Variants in PEX3 observed in about 807,000 individuals in gnomAD.
PEX3 encodes peroxisomal biogenesis factor 3.
PEX3 carries 30 observed loss-of-function variants against 55.8 expected under a neutral mutation model. The ratio of observed to expected loss-of-function variants is 0.54; its 90% CI spans 0.40 to 0.73. The LOEUF is 0.73. Among genes scored for constraint, PEX3 ranks in the 30% least tolerant of loss-of-function variants. The pLI, the probability that PEX3 is intolerant of heterozygous loss-of-function variation, is 0.00. For missense variants in PEX3, 351 were observed against 432.8 expected, an observed-to-expected ratio of 0.81 and a Z score of 1.68; for synonymous variants, 135 against 148.4, an observed-to-expected ratio of 0.91 and a Z score of 0.66.
rs1420946623 is a variant in PEX3 at position 143,488,722 on chromosome 6, A to G, written c.1039-421A>G. ...ATGTGTGGTTCATGTATGTGTGTAT[A>G]TGTAAAATATGCACTTACTACACAT... is the stretch of plus-strand genomic sequence containing the variant. On this transcript the variant is annotated intron_variant, in intron 11 of 11. Transcript: ENST00000367591. The surrounding 1 kb of genome is among the most constrained non-coding windows in gnomAD (Gnocchi z 4.9). 6.6e-6 allele frequency among the ~76,000 whole-genome samples: 1 copy of G among 152,148 alleles called. No homozygotes were observed. Among genetic ancestry groups the G allele is most frequent in the Non-Finnish European group, 1.5e-5 (1 of 67,976 alleles).
In PEX3 at chr6:143,471,193, A is replaced by C. The variant is rs2128746694; in HGVS notation, c.456+108A>C. On this transcript the variant is annotated intron_variant, in intron 5 of 11. Coordinates refer to ENST00000367591, the MANE Select transcript of PEX3 (RefSeq NM_003630.3). The surrounding 1 kb of genome is among the most constrained non-coding windows in gnomAD (Gnocchi z 5.4). ...TATGAAATAAATATTTTTATATTTC[A>C]TGTGATTGTGAACTTTTAGTATTAT... 7.9e-6 allele frequency: 9 copies of C among 1,137,174 alleles called. No individual in the cohort carries two copies. The South Asian group carries it at 1.2e-4, about 15-fold the overall frequency. 70.4% of individuals were successfully genotyped at this position (1,137,174 alleles called of 1,614,324 possible).
In PEX3 at chr6:143,482,592, G is replaced by A. The variant is rs1362937607; in HGVS notation, c.942-2560G>A. On this transcript the variant is annotated intron_variant, in intron 10 of 11. Coordinates refer to ENST00000367591, the MANE Select transcript of PEX3 (RefSeq NM_003630.3). This position sits in a 1 kb window ranked among gnomAD's most constrained non-coding sequence, Gnocchi z 5.5. ...TTTAAGCAGTTATTGGAAAAGAAGA[G>A]CAATGGATATGCTTTTCCTATATAA... Among the ~76,000 whole-genome samples, 1 of 151,820 alleles carries A rather than the reference G, an allele frequency of 6.6e-6. No homozygotes were observed.
chr6:143,468,151 A>T lies in PEX3; in HGVS notation c.317A>T (p.Asp106Val), dbSNP rs1780016304. 2 of 1,587,624 alleles carry T rather than the reference A, an allele frequency of 1.3e-6. No individual in the cohort carries two copies. The highest frequency in any genetic ancestry group is 1.7e-6 in the Non-Finnish European group (2 of 1,157,056). ...RPSNKLEIWE[D>V]LKIISFTRST... ...TCAAACAAGCTAGAAATATGGGAGG[A>T]TCTGAAGATAATAAGTAAGCCTGCA... is the stretch of plus-strand genomic sequence containing the variant. Residue 106 changes from aspartate to valine, a missense_variant, in exon 4 of 12, where the codon GAT (aspartate) becomes GTT (valine). Coordinates refer to ENST00000367591, the MANE Select transcript of PEX3 (RefSeq NM_003630.3).
intron 1 of PEX3, among the ~76,000 whole-genome samples, chr6:143,455,417 A>C (rs899894590): frequency 8.2e-6 from 1 of 121,534 alleles, no homozygotes; most frequent in Non-Finnish European, 1.6e-5. Flanking sequence ...GGGTTTCACC[A>C]TGTTAGCTAG....
intron 10 of PEX3, chr6:143,484,913 G>C (rs1216348955): frequency 4.1e-6 from 2 of 482,330 alleles, no homozygotes; most frequent in East Asian, 8.0e-5. Flanking sequence ...TGCTTAGGAG[G>C]TTAGAGGTTT....
intron 9 of PEX3, among the ~76,000 whole-genome samples, chr6:143,477,390 A>G (rs192481131): frequency 6.6e-6 from 1 of 152,090 alleles, no homozygotes; most frequent in East Asian, 1.9e-4. Context: ...TAGATGCTCA[A>G]TAAGTATTTA....
chr6:143,462,946 C>T lies in PEX3; in HGVS notation c.236C>T (p.Ala79Val), dbSNP rs1562652364. ...VLSMLPTLRE[A>V]LMQQLNSESL... Reference sequence around the variant, plus strand: ...TCCATGCTTCCAACACTGAGAGAGGCCTTAATGCAGCAACTGAATTCCGAG... The same window carrying T: ...TCCATGCTTCCAACACTGAGAGAGGTCTTAATGCAGCAACTGAATTCCGAG... The change falls in exon 3 of 12, where the codon GCC (alanine) becomes GTC (valine). Residue 79 changes from alanine to valine, a missense_variant. Coordinates refer to ENST00000367591, the MANE Select transcript of PEX3 (RefSeq NM_003630.3). The surrounding 1 kb of genome is among the most constrained non-coding windows in gnomAD (Gnocchi z 4.1). The T allele has an allele frequency of 6.2e-7, 1 of 1,613,650 alleles. No individual in the cohort carries two copies. Among genetic ancestry groups the T allele is most frequent in the East Asian group, 2.2e-5 (1 of 44,866 alleles).
chr6:143,490,199 T>G lies in PEX3; in HGVS notation c.*973T>G, dbSNP rs1460087845. On this transcript the variant is annotated 3_prime_UTR_variant, in exon 12 of 12. Transcript: ENST00000367591. This position sits in a 1 kb window ranked among gnomAD's most constrained non-coding sequence, Gnocchi z 6.0. Reference sequence around the variant, plus strand: ...ATAGCTTTACTTTCTGAAAAAGAAATAATTCATTATCTCTAGTAATACATC... The same window carrying G: ...ATAGCTTTACTTTCTGAAAAAGAAAGAATTCATTATCTCTAGTAATACATC... Among the ~76,000 whole-genome samples, 1 of 151,578 alleles carries G rather than the reference T, an allele frequency of 6.6e-6. No individual in the cohort carries two copies. The highest frequency in any genetic ancestry group is 1.5e-5 in the Non-Finnish European group (1 of 68,004).
intron 9 of PEX3, 81 bp from the exon 10 acceptor site, chr6:143,478,995 A>G: frequency 2.4e-6 from 2 of 828,782 alleles, no homozygotes; most frequent in East Asian, 2.5e-5. Flanking sequence ...GTGGCTTTCA[A>G]AGGTAACCAC....
At chr6:143,478,700 C>T (rs1780186908) in intron 9 of PEX3, among the ~76,000 whole-genome samples, 1 of 152,056 alleles carries the variant, frequency 6.6e-6, no homozygotes, top group South Asian at 2.1e-4. Context: ...ATCATTTCCT[C>T]ATCTGTACAC....
In PEX3 at chr6:143,453,067, A is replaced by G. The variant is rs1332194483; in HGVS notation, c.73+1952A>G. ...ATTAGTGAAGGGGAACTGGAATTCA[A>G]ACCCAGGTGTGTTGGACCACAAAGC... On this transcript the variant is annotated intron_variant, in intron 1 of 11. Transcript: ENST00000367591. This position sits in a 1 kb window ranked among gnomAD's most constrained non-coding sequence, Gnocchi z 4.6. Among the ~76,000 whole-genome samples the G allele has an allele frequency of 2.6e-5, 4 of 152,202 alleles. No homozygotes were observed. The highest frequency in any genetic ancestry group is 4.4e-5 in the Non-Finnish European group (3 of 68,034).
Position 143,468,181 on chromosome 6 carries a change from CTG to C in PEX3, c.331+21_331+22del, listed in dbSNP as rs2128746353. 1 of 1,554,096 alleles carries C rather than the reference CTG, an allele frequency of 6.4e-7. No homozygotes were observed. On this transcript the variant is annotated intron_variant, in intron 4 of 11. Coordinates refer to ENST00000367591, the MANE Select transcript of PEX3 (RefSeq NM_003630.3). ...AAGATAATAAGTAAGCCTGCATATT[CTG>C]TGTGACAGCACATCCTTAAAATATT...
chr6:143,466,099 A>G lies in PEX3; in HGVS notation c.288-2023A>G, dbSNP rs1159309061. Reference sequence around the variant, plus strand: ...GCACTAAACTACCTCCACATAGTACATCCATACAATGGTGTACTACACGTT... The same window carrying G: ...GCACTAAACTACCTCCACATAGTACGTCCATACAATGGTGTACTACACGTT... On this transcript the variant is annotated intron_variant, in intron 3 of 11. Transcript: ENST00000367591. The surrounding 1 kb of genome is among the most constrained non-coding windows in gnomAD (Gnocchi z 5.4). Among the ~76,000 whole-genome samples the G allele has an allele frequency of 6.6e-6, 1 of 152,100 alleles. No homozygotes were observed. The highest frequency in any genetic ancestry group is 1.5e-5 in the Non-Finnish European group (1 of 67,936).
Position 143,490,105 on chromosome 6 carries a change from T to C in PEX3, c.*879T>C, listed in dbSNP as rs954994782. 1 of 152,196 alleles carries C rather than the reference T, an allele frequency of 6.6e-6. No individual in the cohort carries two copies. Among genetic ancestry groups the C allele is most frequent in the Non-Finnish European group, 1.5e-5 (1 of 68,020 alleles). The allele number at this position is 152,196 out of a possible 1,614,324, so 9.4% of individuals were successfully genotyped here. On this transcript the variant is annotated 3_prime_UTR_variant, in exon 12 of 12. Transcript: ENST00000367591. This position sits in a 1 kb window ranked among gnomAD's most constrained non-coding sequence, Gnocchi z 6.0. ...GAAGAGAGAGCATGCTAGTTTAAGT[T>C]TCATTTTAATTGGTCGTGTACTTGG...
chr6:143,481,353 C>G (rs161061), intron 10 of PEX3, among the ~76,000 whole-genome samples: 6 of 151,604 alleles, frequency 4.0e-5, no homozygotes, highest in African/African-American at 1.5e-4. Flanking sequence ...TTCAGAATGT[C>G]TCTCATTGAA....
Position 143,459,278 on chromosome 6 carries a change from T to C in PEX3, c.205+62T>C. 1 of 1,396,340 alleles carries C rather than the reference T, an allele frequency of 7.2e-7. No individual in the cohort carries two copies. Among genetic ancestry groups the C allele is most frequent in the Non-Finnish European group, 1.0e-6 (1 of 983,644 alleles). The allele number at this position is 1,396,340 out of a possible 1,614,324, so 86.5% of individuals were successfully genotyped here. A position where few individuals can be genotyped will look rare whatever the true frequency, so the allele number is the denominator to read the frequency against. On this transcript the variant is annotated intron_variant, in intron 2 of 11. Transcript: ENST00000367591. This position sits in a 1 kb window ranked among gnomAD's most constrained non-coding sequence, Gnocchi z 4.2. ...TTTGACGGTTGTATTAATTTGCATA[T>C]CACCGGGATCAAATTTAGAGGAAAA...
At chr6:143,474,753 G>C (rs370064612) in intron 8 of PEX3, 33 bp from the exon 9 acceptor site, 855 of 1,168,866 alleles carry the variant, frequency 7.3e-4, no homozygotes, top group Non-Finnish European at 8.9e-4. Flanking sequence ...GCTAATGTTT[G>C]AAAACCTTAA....
chr6:143,465,388 A>G lies in PEX3; in HGVS notation c.287+2391A>G, dbSNP rs936523528. Among the ~76,000 whole-genome samples, 4 of 151,868 alleles carry G rather than the reference A, an allele frequency of 2.6e-5. No individual in the cohort carries two copies. The highest frequency in any genetic ancestry group is 9.7e-5 in the African/African-American group (4 of 41,386). On this transcript the variant is annotated intron_variant, in intron 3 of 11. Coordinates refer to ENST00000367591, the MANE Select transcript of PEX3 (RefSeq NM_003630.3). This position sits in a 1 kb window ranked among gnomAD's most constrained non-coding sequence, Gnocchi z 4.7. Reference sequence around the variant, plus strand: ...TGGGTAACTATTACTGTCTTCTCCCACCAAAATCATCCCAAATAAAATACA... The same window carrying G: ...TGGGTAACTATTACTGTCTTCTCCCGCCAAAATCATCCCAAATAAAATACA...
At chr6:143,470,823 T>C (rs997317436) in intron 4 of PEX3, 138 bp from the exon 5 acceptor site, 4 of 672,552 alleles carry the variant, frequency 5.9e-6, no homozygotes, top group African/African-American at 3.7e-5. Context: ...ATATTTTGAA[T>C]TGATATATTT....
Sources: allele counts gnomAD v4.1 joint callset (sites outside exome capture counted in the v4.1 genomes callset), GRCh38; gene constraint gnomAD v4.1.1; non-coding constraint Gnocchi (gnomAD v3.1); transcripts MANE v1.5; gene names NCBI Gene and HGNC (gene_info 2026-07-23, HGNC 2026-07-21).